The following ZNF608 variants were observed in gnomAD, a reference collection of about 807,000 sequenced individuals.
The protein encoded by ZNF608 is zinc finger protein 608.
ZNF608 carries 12 observed loss-of-function variants against 109.0 expected under a neutral mutation model. That is an observed-to-expected ratio of 0.11 (90% CI 0.07 to 0.18). The LOEUF (loss-of-function observed/expected upper bound fraction) is 0.18, where lower values mean the gene tolerates loss of function less well. ZNF608 is among the 10% of genes least tolerant of loss of function. The pLI is 1.00. For missense variants in ZNF608, 1,707 were observed against 1,879.3 expected (o/e 0.91, Z 1.70); for synonymous variants, 732 against 717.4 (o/e 1.02, Z -0.33).
chr5:124,700,235 G>C (rs535943870), intron 3 of ZNF608, among the ~76,000 whole-genome samples: 1 of 152,130 alleles, frequency 6.6e-6, no homozygotes, highest in Non-Finnish European at 1.5e-5. Flanking sequence ...TTATTGGTTG[G>C]CTTGTTAGTG....
intron 2 of ZNF608, among the ~76,000 whole-genome samples, chr5:124,716,064 A>C (rs1753683256): frequency 6.8e-6 from 1 of 147,680 alleles, no homozygotes; most frequent in African/African-American, 2.5e-5. Context: ...AATGGCCTGA[A>C]CCCGGGAGGC....
intron 9 of ZNF608, 40 bp downstream of exon 9, chr5:124,639,093 T>C (rs764413389): frequency 9.5e-6 from 15 of 1,587,298 alleles, no homozygotes; most frequent in Admixed American, 1.7e-5. Context: ...CATTAAGATA[T>C]TTCTATCTAC....
At position 124,648,217 on chromosome 5, in the gene ZNF608, A is replaced by C; in HGVS notation, c.2167T>G (p.Cys723Gly). ...TTAGAGAGGTTTTTGTCCGTTTTGC[A>C]GTTGGTAGCTTTTTTGCCCTTTTCT... The part of the protein sequence containing the change: ...DKEKGKKATN[C>G]KTDKNLSKLK... The change falls in exon 5 of 10, where the codon TGC becomes GGC. Residue 723 changes from cysteine to glycine, a missense_variant. Physicochemically the swap from Cys to Gly is radical, Grantham distance 159. Transcript: ENST00000513986. 6.2e-7 allele frequency: 1 copy of C among 1,614,122 alleles called. No homozygotes were observed. Among genetic ancestry groups the C allele is most frequent in the South Asian group, 1.1e-5 (1 of 91,084 alleles).
chr5:124,643,643 C>T lies in ZNF608; in HGVS notation c.4164G>A (p.Gly1388=). Residue 1388 remains glycine, a synonymous_variant, in exon 7 of 10, where the codon GGG becomes GGA. Coordinates refer to ENST00000513986, the MANE Select transcript of ZNF608 (RefSeq NM_020747.3). The part of the protein sequence containing the change: ...LSPGFHYPVY[G]KMSGREETEK... ...CTGTCTCTTCTCTCCCTGACATCTT[C>T]CCATAAACAGGATAATGAAATCCTG... The T allele has an allele frequency of 6.2e-7, 1 of 1,614,150 alleles. No homozygotes were observed. The highest frequency in any genetic ancestry group is 8.5e-7 in the Non-Finnish European group (1 of 1,180,038).
chr5:124,675,535 G>A (rs1751909844), intron 3 of ZNF608, among the ~76,000 whole-genome samples: 1 of 152,078 alleles, frequency 6.6e-6, no homozygotes, highest in Non-Finnish European at 1.5e-5. Flanking sequence ...ATTTTTTATA[G>A]CAATATTGTA....
intron 1 of ZNF608, chr5:124,745,470 G>C (rs368892963): frequency 6.5e-6 from 1 of 153,326 alleles, no homozygotes; most frequent in African/African-American, 2.4e-5. Context: ...AGTCCAGAAA[G>C]GTTTTTGTGT....
chr5:124,681,406 G>A (rs1001098923), intron 3 of ZNF608, among the ~76,000 whole-genome samples: 2 of 152,130 alleles, frequency 1.3e-5, no homozygotes, highest in African/African-American at 4.8e-5. Flanking sequence ...TCAGTGAGCT[G>A]AGATTGTGCC....
At chr5:124,641,827 T>C (rs997040875) in intron 7 of ZNF608, among the ~76,000 whole-genome samples, 15 of 152,240 alleles carry the variant, frequency 9.9e-5, no homozygotes, top group African/African-American at 3.6e-4. Flanking sequence ...TTTAAACGTG[T>C]CTGTATACAT....
Position 124,641,415 on chromosome 5 carries a change from A to G in ZNF608, c.4297-10T>C. 6.3e-7 allele frequency: 1 copy of G among 1,599,056 alleles called. No individual in the cohort carries two copies. ...TAGCCTTTTCCACAGGCTGCAACAG[A>G]AAAGAGAAATTTTCCCCCTTCATGC... On this transcript the variant is annotated splice_polypyrimidine_tract_variant and intron_variant, in intron 7 of 9. Coordinates refer to ENST00000513986, the MANE Select transcript of ZNF608 (RefSeq NM_020747.3).
intron 3 of ZNF608, among the ~76,000 whole-genome samples, chr5:124,682,388 T>C (rs985701819): frequency 2.6e-5 from 4 of 152,224 alleles, no homozygotes; most frequent in African/African-American, 9.6e-5. Context: ...TGAATCCTTT[T>C]TTAGGAAGCT....
At chr5:124,658,244 G>C (rs1751099734) in intron 3 of ZNF608, among the ~76,000 whole-genome samples, 1 of 152,194 alleles carries the variant, frequency 6.6e-6, no homozygotes, top group African/African-American at 2.4e-5. Context: ...TACCCCAAAA[G>C]GGATGGCCTT....
In ZNF608 at chr5:124,648,102, G is replaced by A. The variant is rs1274709207; in HGVS notation, c.2282C>T (p.Thr761Ile). Residue 761 changes from threonine to isoleucine, a missense_variant, in exon 5 of 10, where the codon ACC becomes ATC. Around this residue, in one of 7 missense-constraint regions of ZNF608, gnomAD observed 1,073 missense variants for 1,133.5 expected, o/e 0.95. Coordinates refer to ENST00000513986, the MANE Select transcript of ZNF608 (RefSeq NM_020747.3). ...AIPTATFTTT[T>I]TGTIPGLPSL... ...GGGCAGTCCGGGTATTGTCCCAGTG[G>A]TGGTCGTTGTAAAGGTTGCAGTGGG... is the stretch of plus-strand genomic sequence containing the variant. 4.3e-6 allele frequency: 7 copies of A among 1,613,956 alleles called. No individual in the cohort carries two copies. Among genetic ancestry groups the A allele is most frequent in the Non-Finnish European group, 5.9e-6 (7 of 1,180,036 alleles).
chr5:124,736,629 A>G (rs564942928), intron 2 of ZNF608, among the ~76,000 whole-genome samples: 10 of 152,206 alleles, frequency 6.6e-5, no homozygotes, highest in Non-Finnish European at 1.3e-4. Context: ...TTTCTAACCT[A>G]ACTAGGAACA....
At chr5:124,641,201 T>A in intron 8 of ZNF608, 51 bp downstream of exon 8, 1 of 1,610,020 alleles carries the variant, frequency 6.2e-7, no homozygotes, top group Non-Finnish European at 8.5e-7. Context: ...TTTTAGCAAC[T>A]GTTTTCCAAA....
intron 3 of ZNF608, among the ~76,000 whole-genome samples, chr5:124,680,479 CG>C (rs374726062): frequency 3.7e-4 from 57 of 152,058 alleles, no homozygotes; most frequent in African/African-American, 1.4e-3. Flanking sequence ...GAAGCCTTTT[CG>C]GGGAAAACTG....
intron 3 of ZNF608, among the ~76,000 whole-genome samples, chr5:124,660,393 G>A (rs1751202411): frequency 6.6e-6 from 1 of 152,222 alleles, no homozygotes; most frequent in Non-Finnish European, 1.5e-5. Context: ...TCTTCCTGGA[G>A]GTGGCCATGC....
chr5:124,723,806 TA>T (rs1421366121), intron 2 of ZNF608, among the ~76,000 whole-genome samples: 10 of 151,856 alleles, frequency 6.6e-5, no homozygotes, highest in African/African-American at 2.4e-4. Context: ...GCAAAGCACA[TA>T]AAAAAATTTG....
intron 3 of ZNF608, among the ~76,000 whole-genome samples, chr5:124,693,302 G>A (rs1436367103): frequency 6.6e-6 from 1 of 152,048 alleles, no homozygotes; most frequent in African/African-American, 2.4e-5. Flanking sequence ...TACATCTTCA[G>A]CTCAGTCACT....
intron 2 of ZNF608, among the ~76,000 whole-genome samples, chr5:124,711,886 G>A (rs1001218913): frequency 2.0e-5 from 3 of 152,182 alleles, no homozygotes; most frequent in Non-Finnish European, 2.9e-5. Flanking sequence ...GGATTTTAAA[G>A]TAGGGGCACG....
Sources: gnomAD v4.1 joint callset for allele counts (sites outside exome capture counted in the v4.1 genomes callset) on GRCh38, gnomAD v4.1.1 for gene constraint, gnomAD v4.1.1 regional missense constraint, MANE v1.5 for transcripts, NCBI Gene and HGNC (gene_info 2026-07-23, HGNC 2026-07-21) for gene names.